Variants in TMEM163 observed in about 807,000 individuals in gnomAD.
TMEM163 encodes the protein transmembrane protein 163.
TMEM163 carries 17 observed loss-of-function variants against 29.3 expected under a neutral mutation model. The observed-to-expected ratio is 0.58, with a 90% CI of 0.40 to 0.87. The LOEUF (loss-of-function observed/expected upper bound fraction) is 0.87, where lower values mean the gene tolerates loss of function less well. TMEM163 is among the 40% of genes least tolerant of loss of function. The pLI is 0.00. For synonymous variants in TMEM163, 157 were observed against 160.6 expected (o/e 0.98, Z 0.17); for missense variants, 303 against 381.5 (o/e 0.79, Z 1.71).
At chr2:134,633,445 G>A (rs900853085) in intron 2 of TMEM163, among the ~76,000 whole-genome samples, 1 of 152,170 alleles carries the variant, frequency 6.6e-6, no homozygotes. Context: ...GCGAGAGGAA[G>A]AACTAATCCT....
At chr2:134,633,963 ATACATATATATATATATATATATATAT>A (rs1683036013) in intron 2 of TMEM163, among the ~76,000 whole-genome samples, 1 of 85,050 alleles carries the variant, frequency 1.2e-5, no homozygotes, top group East Asian at 4.1e-4. Context: ...CAAAAAAAAA[ATACATATATATATATATATATATATAT>A]ATATATATAT....
Position 134,615,128 on chromosome 2 carries a change from A to G in TMEM163, c.323-63037T>C, listed in dbSNP as rs1682581558. On this transcript the variant is annotated intron_variant, in intron 2 of 7. Transcript: ENST00000281924. ...AAGCTCATGGAAGATTATGAAAAAA[A>G]CTATGGATGGATTTCAATGTTTTTT... 2.0e-5 allele frequency among the ~76,000 whole-genome samples: 3 copies of G among 152,326 alleles called. No individual in the cohort carries two copies. In the South Asian group the frequency reaches 6.2e-4, roughly 32 times the overall value.
At chr2:134,619,876 G>A (rs925633140) in intron 2 of TMEM163, among the ~76,000 whole-genome samples, 1 of 152,146 alleles carries the variant, frequency 6.6e-6, no homozygotes, top group African/African-American at 2.4e-5. Context: ...AATATTAATT[G>A]TATTTCTATA....
At chr2:134,606,745 C>G (rs1186642504) in intron 2 of TMEM163, among the ~76,000 whole-genome samples, 3 of 152,142 alleles carry the variant, frequency 2.0e-5, no homozygotes, top group Non-Finnish European at 4.4e-5. Context: ...CAGTGTCCAT[C>G]AGGAAAGGGT....
At chr2:134,622,520 A>C (rs764648111) in intron 2 of TMEM163, among the ~76,000 whole-genome samples, 3 of 152,226 alleles carry the variant, frequency 2.0e-5, no homozygotes, top group Non-Finnish European at 4.4e-5. Context: ...AGTGTGCATA[A>C]GACAACAAGA....
At chr2:134,635,007 G>A (rs777447815) in intron 2 of TMEM163, among the ~76,000 whole-genome samples, 1 of 152,258 alleles carries the variant, frequency 6.6e-6, no homozygotes, top group Non-Finnish European at 1.5e-5. Context: ...AGAATCTCAA[G>A]TGTGCCAACT....
intron 2 of TMEM163, among the ~76,000 whole-genome samples, chr2:134,581,631 G>A (rs892193075): frequency 7.4e-6 from 1 of 134,968 alleles, no homozygotes; most frequent in Non-Finnish European, 1.6e-5. Context: ...CTCTTTATGG[G>A]GGCGGGGGGG....
At chr2:134,522,923 G>A (rs939088129) in intron 4 of TMEM163, among the ~76,000 whole-genome samples, 9 of 152,296 alleles carry the variant, frequency 5.9e-5, no homozygotes, top group South Asian at 2.1e-4. Context: ...TTGAGCAGAC[G>A]TTGTGATGCC....
At chr2:134,545,599 A>G (rs1680762804) in intron 4 of TMEM163, among the ~76,000 whole-genome samples, 1 of 151,954 alleles carries the variant, frequency 6.6e-6, no homozygotes, top group Admixed American at 6.6e-5. Context: ...CTCACTGATG[A>G]TGACCTGCTT....
At chr2:134,672,857 G>A (rs1399546001) in intron 2 of TMEM163, among the ~76,000 whole-genome samples, 2 of 152,088 alleles carry the variant, frequency 1.3e-5, no homozygotes, top group East Asian at 3.9e-4. Flanking sequence ...CATCTACCCT[G>A]GACTCAGTCC....
At chr2:134,664,731 G>A (rs80263081) in intron 2 of TMEM163, among the ~76,000 whole-genome samples, 6,782 of 152,270 alleles carry the variant, frequency 0.045, 517 homozygotes, top group African/African-American at 0.15. Flanking sequence ...GCTGGAAGGG[G>A]CAACGAATGG....
intron 6 of TMEM163, among the ~76,000 whole-genome samples, chr2:134,465,130 C>T (rs1184117433): frequency 6.7e-6 from 1 of 150,068 alleles, no homozygotes; most frequent in Non-Finnish European, 1.5e-5. Context: ...GGTGGGAGGA[C>T]TGCCTGAGCT....
chr2:134,615,650 G>A (rs1053453362), intron 2 of TMEM163, among the ~76,000 whole-genome samples: 3 of 132,496 alleles, frequency 2.3e-5, no homozygotes, highest in Non-Finnish European at 3.1e-5. Context: ...CAAGAGCAGA[G>A]CTTTTTTTTT....
chr2:134,544,660 T>G (rs1680741902), intron 4 of TMEM163, among the ~76,000 whole-genome samples: 1 of 152,120 alleles, frequency 6.6e-6, no homozygotes, highest in South Asian at 2.1e-4. Context: ...CCGGGTGTAG[T>G]GGCACATGCC....
chr2:134,652,038 G>A lies in TMEM163; in HGVS notation c.322+61162C>T, dbSNP rs531486144. Among the ~76,000 whole-genome samples, 173 of 138,632 alleles carry A rather than the reference G, an allele frequency of 1.2e-3. 27 individuals carry two copies. The highest frequency in any genetic ancestry group is 4.9e-3 in the African/African-American group (160 of 32,602). The allele number at this position is 138,632 out of a possible 152,430, so 90.9% of individuals were successfully genotyped here. On this transcript the variant is annotated intron_variant, in intron 2 of 7. Coordinates refer to ENST00000281924, the MANE Select transcript of TMEM163 (RefSeq NM_030923.5). Reference sequence around the variant, plus strand: ...GACTTGGTGATGCGGGCTCTTTTTTGGTTCCATATGAACTTTAGAGTAGTT... The same window carrying A: ...GACTTGGTGATGCGGGCTCTTTTTTAGTTCCATATGAACTTTAGAGTAGTT...
chr2:134,463,071 A>C (rs1201130589), intron 6 of TMEM163, among the ~76,000 whole-genome samples: 1 of 152,218 alleles, frequency 6.6e-6, no homozygotes, highest in African/African-American at 2.4e-5. Context: ...TCAGACCCAC[A>C]CTGCCTACCC....
intron 2 of TMEM163, among the ~76,000 whole-genome samples, chr2:134,691,395 A>G (rs1574342447): frequency 6.6e-6 from 1 of 152,172 alleles, no homozygotes; most frequent in Non-Finnish European, 1.5e-5. Context: ...TGAGAGCCCC[A>G]TTCTCCAATC....
intron 4 of TMEM163, among the ~76,000 whole-genome samples, chr2:134,545,808 G>A (rs990358251): frequency 6.6e-6 from 1 of 152,286 alleles, no homozygotes; most frequent in African/African-American, 2.4e-5. Context: ...CCTACTCTCA[G>A]ATTAGTACCC....
chr2:134,649,178 T>C (rs1683408832), intron 2 of TMEM163, among the ~76,000 whole-genome samples: 1 of 152,174 alleles, frequency 6.6e-6, no homozygotes, highest in African/African-American at 2.4e-5. Flanking sequence ...ATACGTATAA[T>C]ATATAAAATT....
Sources: allele counts gnomAD v4.1 joint callset (sites outside exome capture counted in the v4.1 genomes callset), GRCh38; gene constraint gnomAD v4.1.1; transcripts MANE v1.5; gene names NCBI Gene and HGNC (gene_info 2026-07-23, HGNC 2026-07-21).